ZSWIM5: variants seen among roughly 807,000 people sequenced by gnomAD.
The protein encoded by ZSWIM5 is zinc finger SWIM domain-containing protein 5.
A neutral mutation model predicts 119.6 loss-of-function variants in ZSWIM5; 55 were observed. The observed-to-expected ratio is 0.46, with a 90% CI of 0.37 to 0.58. ZSWIM5 has a LOEUF of 0.58. ZSWIM5 is among the 20% of genes least tolerant of loss of function. The pLI, the probability that ZSWIM5 is intolerant of heterozygous loss-of-function variation, is 0.00. For missense variants in ZSWIM5, 1,193 were observed against 1,512.8 expected (o/e 0.79, Z 3.51); for synonymous variants, 537 against 606.9 (o/e 0.88, Z 1.69).
At chr1:45,086,071 T>A (rs1645328440) in intron 2 of ZSWIM5, among the ~76,000 whole-genome samples, 1 of 152,214 alleles carries the variant, frequency 6.6e-6, no homozygotes, top group Non-Finnish European at 1.5e-5. Context: ...ACAGGAAGCA[T>A]GGCTTGGGAG....
At chr1:45,025,973 C>T (rs1204701916) in intron 11 of ZSWIM5, among the ~76,000 whole-genome samples, 1 of 152,156 alleles carries the variant, frequency 6.6e-6, no homozygotes, top group African/African-American at 2.4e-5. Context: ...AGGGAACATT[C>T]TTGTCTTATT....
At chr1:45,196,633 G>C (rs1006302919) in intron 1 of ZSWIM5, among the ~76,000 whole-genome samples, 4 of 148,660 alleles carry the variant, frequency 2.7e-5, no homozygotes, top group African/African-American at 9.9e-5. Context: ...CTCGTGATCT[G>C]ACCGCCTCAG....
At chr1:45,132,484 G>A (rs1309166455) in intron 1 of ZSWIM5, among the ~76,000 whole-genome samples, 2 of 152,076 alleles carry the variant, frequency 1.3e-5, no homozygotes, top group Non-Finnish European at 2.9e-5. Context: ...GTGTCCCTGT[G>A]CCCTAAAAAC....
At chr1:45,099,830 C>T (rs1338137769) in intron 1 of ZSWIM5, among the ~76,000 whole-genome samples, 1 of 152,110 alleles carries the variant, frequency 6.6e-6, no homozygotes, top group East Asian at 1.9e-4. Flanking sequence ...CAGAAAAGGC[C>T]TTCAACAAAA....
intron 1 of ZSWIM5, among the ~76,000 whole-genome samples, chr1:45,090,487 G>A (rs1468971132): frequency 6.6e-6 from 1 of 151,998 alleles, no homozygotes; most frequent in Non-Finnish European, 1.5e-5. Context: ...ACATGGCTCA[G>A]GTGCTGTAAT....
intron 1 of ZSWIM5, among the ~76,000 whole-genome samples, chr1:45,105,601 C>T (rs1025909395): frequency 1.7e-5 from 2 of 115,086 alleles, no homozygotes; most frequent in African/African-American, 6.7e-5. Flanking sequence ...TGGCCGCCCC[C>T]TCTGGGAAGT....
At chr1:45,180,440 G>C (rs1227723613) in intron 1 of ZSWIM5, among the ~76,000 whole-genome samples, 1 of 152,178 alleles carries the variant, frequency 6.6e-6, no homozygotes, top group African/African-American at 2.4e-5. Context: ...AGCTCCAACT[G>C]GGTGGAGCCC....
At chr1:45,183,097 C>G (rs554889115) in intron 1 of ZSWIM5, among the ~76,000 whole-genome samples, 1 of 152,308 alleles carries the variant, frequency 6.6e-6, no homozygotes, top group African/African-American at 2.4e-5. Context: ...AAGAAACTCA[C>G]TCAAGTCCGC....
chr1:45,021,641 TAAAGTC>T (rs1445452593), intron 11 of ZSWIM5, among the ~76,000 whole-genome samples: 2 of 152,192 alleles, frequency 1.3e-5, no homozygotes, highest in Non-Finnish European at 1.5e-5. Context: ...TAACTGCTGA[TAAAGTC>T]AAAGAGAAGG....
At chr1:45,193,343 T>C (rs902247754) in intron 1 of ZSWIM5, among the ~76,000 whole-genome samples, 1 of 152,220 alleles carries the variant, frequency 6.6e-6, no homozygotes, top group African/African-American at 2.4e-5. Context: ...CTTATGTTCA[T>C]AAAATTGTAG....
intron 1 of ZSWIM5, among the ~76,000 whole-genome samples, chr1:45,163,031 T>C (rs2149042161): frequency 6.6e-6 from 1 of 152,230 alleles, no homozygotes; most frequent in Admixed American, 6.5e-5. Context: ...CTCAAGTGGG[T>C]CCTTGACCCC....
At chr1:45,159,488 A>C (rs1010121793) in intron 1 of ZSWIM5, among the ~76,000 whole-genome samples, 1 of 152,174 alleles carries the variant, frequency 6.6e-6, no homozygotes, top group South Asian at 2.1e-4. Context: ...AATATTATTT[A>C]TTATTATTGT....
At chr1:45,066,846 G>A (rs1645187052) in intron 2 of ZSWIM5, among the ~76,000 whole-genome samples, 1 of 152,118 alleles carries the variant, frequency 6.6e-6, no homozygotes, top group Admixed American at 6.6e-5. Context: ...GATTATAGTG[G>A]TTTGATTTAA....
At chr1:45,146,881 C>A (rs893752184) in intron 1 of ZSWIM5, among the ~76,000 whole-genome samples, 3 of 152,226 alleles carry the variant, frequency 2.0e-5, no homozygotes, top group Admixed American at 1.3e-4. Flanking sequence ...CACCACATGA[C>A]CATCCTTGGT....
chr1:45,185,553 A>G (rs1191921969), intron 1 of ZSWIM5, among the ~76,000 whole-genome samples: 1 of 152,174 alleles, frequency 6.6e-6, no homozygotes, highest in Non-Finnish European at 1.5e-5. Context: ...CAAATTTACA[A>G]GAAAAAAAAC....
At chr1:45,131,408 T>G (rs1645655645) in intron 1 of ZSWIM5, among the ~76,000 whole-genome samples, 2 of 152,112 alleles carry the variant, frequency 1.3e-5, no homozygotes, top group African/African-American at 4.8e-5. Context: ...CACAGAGCAG[T>G]GGTGGGGAAG....
chr1:45,160,410 A>G (rs1311393865), intron 1 of ZSWIM5, among the ~76,000 whole-genome samples: 1 of 151,760 alleles, frequency 6.6e-6, no homozygotes, highest in African/African-American at 2.4e-5. Flanking sequence ...TCTATCATCA[A>G]CCTCTCTTTA....
intron 2 of ZSWIM5, among the ~76,000 whole-genome samples, chr1:45,078,391 C>T (rs1223722457): frequency 6.6e-6 from 1 of 152,146 alleles, no homozygotes. Context: ...GTGGTCACCC[C>T]AACCCCAGTA....
chr1:45,203,251 T>G (rs1264869220), intron 1 of ZSWIM5, among the ~76,000 whole-genome samples: 1 of 152,074 alleles, frequency 6.6e-6, no homozygotes, highest in Non-Finnish European at 1.5e-5. Context: ...TACCAGATTT[T>G]GTGTGGAAAG....
Sources: gnomAD v4.1 joint callset for allele counts (sites outside exome capture counted in the v4.1 genomes callset) on GRCh38, gnomAD v4.1.1 for gene constraint, MANE v1.5 for transcripts, NCBI Gene and HGNC (gene_info 2026-07-23, HGNC 2026-07-21) for gene names.